HERC1: variants seen among roughly 807,000 people sequenced by gnomAD.
HERC1 encodes the protein probable E3 ubiquitin-protein ligase HERC1.
Under a neutral mutation model 554.3 loss-of-function variants are expected in HERC1, and 160 were observed. The observed-to-expected ratio is 0.29, with a 90% CI of 0.25 to 0.33. The LOEUF (loss-of-function observed/expected upper bound fraction) is 0.33. Ranked by LOEUF, HERC1 falls within the 10% of genes least tolerant of loss-of-function variation. The pLI, the probability that HERC1 is intolerant of heterozygous loss-of-function variation, is 1.00. For synonymous variants in HERC1, 2,175 were observed against 2,131.7 expected (o/e 1.02, Z -0.56); for missense variants, 4,919 against 5,918.5 (o/e 0.83, Z 5.54).
In HERC1 at chr15:63,775,512, A is replaced by G; in HGVS notation, c.112T>C (p.Tyr38His). 2 of 1,614,016 alleles carry G rather than the reference A, an allele frequency of 1.2e-6. No individual in the cohort carries two copies. Among genetic ancestry groups the G allele is most frequent in the Non-Finnish European group, 1.7e-6 (2 of 1,179,872 alleles). Residue 38 changes from tyrosine (Y) to histidine (H), a missense_variant, in exon 2 of 78, where the codon TAT becomes CAT. By Grantham distance (83) the Tyr-to-His change is moderately conservative. Coordinates refer to ENST00000443617, the MANE Select transcript of HERC1 (RefSeq NM_003922.4). The surrounding 1 kb of genome is among the most constrained non-coding windows in gnomAD (Gnocchi z 4.0). Reference protein sequence around the residue: ...IATREGVAVLYSKLVSNKEVV... With the variant: ...IATREGVAVLHSKLVSNKEVV... ...TCCTTATTGCTAACCAGTTTAGAAT[A>G]CAGAACAGCAACTCCCTCTCTTGTA... is the stretch of plus-strand genomic sequence containing the variant.
rs138136662 is a variant in HERC1 at position 63,705,225 on chromosome 15, T to C, written c.4636+1555A>G. Among the ~76,000 whole-genome samples the C allele has an allele frequency of 3.4e-4, 51 of 152,158 alleles. No homozygotes were observed. In the East Asian group the frequency reaches 7.0e-3, roughly 21 times the overall value. ...CTGGAGTGCAGTGGCATGATCACAG[T>C]ACCCTGCAACTTCGAATTCCTGGGC... On this transcript the variant is annotated intron_variant, in intron 25 of 77. Coordinates refer to ENST00000443617, the MANE Select transcript of HERC1 (RefSeq NM_003922.4).
intron 1 of HERC1, among the ~76,000 whole-genome samples, chr15:63,795,560 G>C (rs996094328): frequency 6.6e-6 from 1 of 152,260 alleles, no homozygotes; most frequent in South Asian, 2.1e-4. Flanking sequence ...TTACTCTGAA[G>C]ATATTTCATG....
At chr15:63,664,845 T>A (rs1196693555) in intron 42 of HERC1, among the ~76,000 whole-genome samples, 1 of 152,226 alleles carries the variant, frequency 6.6e-6, no homozygotes, top group Non-Finnish European at 1.5e-5. Context: ...AAGCTCAAAT[T>A]TAAATGAGAT....
chr15:63,699,263 C>G (rs957232123), intron 25 of HERC1, among the ~76,000 whole-genome samples: 7 of 152,138 alleles, frequency 4.6e-5, no homozygotes, highest in African/African-American at 1.7e-4. Flanking sequence ...CACGCTGCCA[C>G]AAGAAAAAGA....
At chr15:63,811,081 C>T (rs1362039713) in intron 1 of HERC1, among the ~76,000 whole-genome samples, 2 of 151,700 alleles carry the variant, frequency 1.3e-5, no homozygotes, top group Admixed American at 6.6e-5. Context: ...ACACCAAAAG[C>T]AATATATGAA....
chr15:63,666,324 T>G, intron 41 of HERC1, 32 bp downstream of exon 41: 1 of 1,469,696 alleles, frequency 6.8e-7, no homozygotes. Context: ...TTCTCATATC[T>G]GTATACACTG....
chr15:63,669,159 A>G (rs1269632873), intron 40 of HERC1, among the ~76,000 whole-genome samples: 2 of 152,240 alleles, frequency 1.3e-5, no homozygotes, highest in Non-Finnish European at 2.9e-5. Flanking sequence ...CATACTTCCA[A>G]ATAGTCCAGA....
rs182587471 is a variant in HERC1, at chr15:63,615,937, A to G, written c.13942-17T>C. 409 of 1,564,384 alleles carry G rather than the reference A, an allele frequency of 2.6e-4. No homozygotes were observed. The highest frequency in any genetic ancestry group is 3.4e-4 in the Non-Finnish European group (394 of 1,159,534). On this transcript the variant is annotated splice_polypyrimidine_tract_variant and intron_variant, in intron 75 of 77. Coordinates refer to ENST00000443617, the MANE Select transcript of HERC1 (RefSeq NM_003922.4). The stretch of plus-strand genomic sequence containing the variant: ...AGGAATCATCTAGGAACAGAAGAAA[A>G]CAGAATTTTTATTACATGGTAGAAA...
intron 69 of HERC1, among the ~76,000 whole-genome samples, chr15:63,629,481 A>T (rs2068451973): frequency 6.6e-6 from 1 of 152,178 alleles, no homozygotes. Flanking sequence ...TGTAACAATA[A>T]ATAAACATAT....
intron 64 of HERC1, chr15:63,636,974 T>C (rs1177207685): frequency 2.8e-6 from 1 of 359,544 alleles, no homozygotes; most frequent in Non-Finnish European, 5.5e-6. Context: ...TCATAGTTAC[T>C]TGTATGCTTT....
At position 63,683,091 on chromosome 15, in the gene HERC1, G is replaced by A. The variant is rs149788276; in HGVS notation, c.6226-2315C>T. 9.0e-3 allele frequency among the ~76,000 whole-genome samples: 1,321 copies of A among 146,394 alleles called. 11 individuals carry two copies. Among genetic ancestry groups the A allele is most frequent in the Middle Eastern group, 0.019 (5 of 266 alleles). On this transcript the variant is annotated intron_variant, in intron 34 of 77. Coordinates refer to ENST00000443617, the MANE Select transcript of HERC1 (RefSeq NM_003922.4). ...GTGGAGGTTGCAGGGAGCCGAGCTTGTGCCACTGCACTCCAGCCTGGGCAA... is the reference window on the plus strand; with the variant it reads ...GTGGAGGTTGCAGGGAGCCGAGCTTATGCCACTGCACTCCAGCCTGGGCAA...
At chr15:63,714,419 G>C (rs888449170) in intron 22 of HERC1, among the ~76,000 whole-genome samples, 1 of 152,104 alleles carries the variant, frequency 6.6e-6, no homozygotes, top group African/African-American at 2.4e-5. Flanking sequence ...ATACCCATCT[G>C]ATGCCAGCCT....
At chr15:63,627,759 T>C (rs556427342) in intron 70 of HERC1, among the ~76,000 whole-genome samples, 2 of 151,500 alleles carry the variant, frequency 1.3e-5, no homozygotes, top group African/African-American at 2.4e-5. Flanking sequence ...AACAGCTACA[T>C]CTGGAAGGAA....
Position 63,672,512 on chromosome 15 carries a change from G to GCATCACTCCCGGGGA in HERC1, c.8014_8028dup (p.Ser2672_Met2676dup). 1 of 1,596,334 alleles carries GCATCACTCCCGGGGA rather than the reference G, an allele frequency of 6.3e-7. No homozygotes were observed. Among genetic ancestry groups the GCATCACTCCCGGGGA allele is most frequent in the Non-Finnish European group, 8.5e-7 (1 of 1,171,062 alleles). Reference sequence around the variant, plus strand: ...CTTCTCTACCTGAGAAGACTAAGAGGCATCACTCCCGGGGACTCGGATGCA... The same window carrying GCATCACTCCCGGGGA: ...CTTCTCTACCTGAGAAGACTAAGAGGCATCACTCCCGGGGACATCACTCCCGGGGACTCGGATGCA... On this transcript the variant is annotated inframe_insertion, in exon 39 of 78. Transcript: ENST00000443617.
At chr15:63,822,177 G>C (rs1341492289) in intron 1 of HERC1, among the ~76,000 whole-genome samples, 2 of 152,210 alleles carry the variant, frequency 1.3e-5, no homozygotes, top group Non-Finnish European at 2.9e-5. Flanking sequence ...AATACGGATA[G>C]TTCAATGTAG....
chr15:63,745,538 G>A (rs1164325776), intron 12 of HERC1, among the ~76,000 whole-genome samples: 1 of 152,162 alleles, frequency 6.6e-6, no homozygotes, highest in East Asian at 1.9e-4. Context: ...GCTCTAACAG[G>A]ATAGCATTGA....
Position 63,680,694 on chromosome 15 carries a change from C to T in HERC1, c.6308G>A (p.Arg2103His). 2 of 1,613,590 alleles carry T rather than the reference C, an allele frequency of 1.2e-6. No individual in the cohort carries two copies. Among genetic ancestry groups the T allele is most frequent in the Non-Finnish European group, 8.5e-7 (1 of 1,179,634 alleles). ...ATAGAGCCACATATCCGAGGTAGTG[C>T]GGTGATTAAAGTCATGTACTGGCCA... ...SRWPVHDFNH[R>H]TTSDMWLYRA... The change falls in exon 35 of 78, where the codon CGC becomes CAC. Residue 2103 changes from arginine (R) to histidine (H), a missense_variant. Arg to His is a conservative substitution (Grantham distance 29). This residue lies in a region of HERC1 where 85 missense variants were observed against 163.2 expected (regional missense o/e 0.52). Transcript: ENST00000443617. The surrounding 1 kb of genome is among the most constrained non-coding windows in gnomAD (Gnocchi z 5.8).
At chr15:63,714,401 C>T (rs1338671687) in intron 22 of HERC1, among the ~76,000 whole-genome samples, 1 of 152,150 alleles carries the variant, frequency 6.6e-6, no homozygotes, top group Non-Finnish European at 1.5e-5. Context: ...GAGATGGCAT[C>T]ACCAGGAATA....
rs567210985 is a variant in HERC1, at chr15:63,615,932, A to G, written c.13942-12T>C. 15 of 1,568,962 alleles carry G rather than the reference A, an allele frequency of 9.6e-6. No homozygotes were observed. The African/African-American group carries it at 1.2e-4, about 13-fold the overall frequency. On this transcript the variant is annotated splice_polypyrimidine_tract_variant and intron_variant, in intron 75 of 77. Coordinates refer to ENST00000443617, the MANE Select transcript of HERC1 (RefSeq NM_003922.4). Reference sequence around the variant, plus strand: ...TCAAGAGGAATCATCTAGGAACAGAAGAAAACAGAATTTTTATTACATGGT... The same window carrying G: ...TCAAGAGGAATCATCTAGGAACAGAGGAAAACAGAATTTTTATTACATGGT...
Sources: allele counts gnomAD v4.1 joint callset (sites outside exome capture counted in the v4.1 genomes callset), GRCh38; gene constraint gnomAD v4.1.1; regional missense constraint gnomAD v4.1.1; non-coding constraint Gnocchi (gnomAD v3.1); transcripts MANE v1.5; gene names NCBI Gene and HGNC (gene_info 2026-07-23, HGNC 2026-07-21).